The following CSMD1 variants were observed in gnomAD, a reference collection of about 807,000 sequenced individuals.
CSMD1 encodes CUB and sushi domain-containing protein 1.
CSMD1 carries 213 observed loss-of-function variants against 417.5 expected under a neutral mutation model. The observed-to-expected ratio is 0.51, with a 90% confidence interval of 0.46 to 0.57. The LOEUF (loss-of-function observed/expected upper bound fraction) is 0.57. Ranked by LOEUF, CSMD1 falls within the 20% of genes least tolerant of loss-of-function variation. The pLI is 0.00. For missense variants in CSMD1, 6,923 were observed against 4,529.7 expected (o/e 1.53, Z -15.17); for synonymous variants, 2,862 against 1,736.8 (o/e 1.65, Z -16.11).
intron 26 of CSMD1, among the ~76,000 whole-genome samples, chr8:3,276,498 G>A (rs994218377): frequency 1.3e-5 from 2 of 152,120 alleles, no homozygotes; most frequent in Non-Finnish European, 2.9e-5. Context: ...AAAACCATGA[G>A]ATCTCATGAG....
At chr8:4,193,462 T>C (rs1304219503) in intron 3 of CSMD1, among the ~76,000 whole-genome samples, 3 of 151,792 alleles carry the variant, frequency 2.0e-5, no homozygotes, top group Non-Finnish European at 4.4e-5. Flanking sequence ...ATGTTTTCCC[T>C]GGATGGAATG....
intron 3 of CSMD1, among the ~76,000 whole-genome samples, chr8:4,353,627 G>A (rs1250725162): frequency 1.3e-5 from 2 of 151,692 alleles, no homozygotes; most frequent in Non-Finnish European, 1.5e-5. Context: ...GCAGAGTCAC[G>A]CCCAACGGGA....
chr8:3,525,050 G>A (rs62475769), intron 10 of CSMD1, among the ~76,000 whole-genome samples: 1,527 of 152,188 alleles, frequency 0.01, 16 homozygotes, highest in Non-Finnish European at 0.015. Flanking sequence ...GTCCAACGCC[G>A]AATAAACTCT....
At chr8:4,353,113 G>T (rs559000018) in intron 3 of CSMD1, among the ~76,000 whole-genome samples, 1 of 151,966 alleles carries the variant, frequency 6.6e-6, no homozygotes, top group African/African-American at 2.4e-5. Context: ...TATAACATTC[G>T]GTTTATGTTC....
intron 8 of CSMD1, among the ~76,000 whole-genome samples, chr8:3,599,727 C>A (rs142330265): frequency 6.6e-6 from 1 of 152,194 alleles, no homozygotes; most frequent in South Asian, 2.1e-4. Flanking sequence ...TTGGCGCCAA[C>A]CTATACCTTG....
intron 24 of CSMD1, 142 bp from the exon 25 acceptor site, chr8:3,307,963 T>C (rs2117389906): frequency 2.2e-6 from 2 of 927,778 alleles, no homozygotes. Flanking sequence ...CTCCTGACCG[T>C]TTCAATATTT....
At chr8:4,529,893 T>C (rs1056092490) in intron 2 of CSMD1, among the ~76,000 whole-genome samples, 9 of 146,390 alleles carry the variant, frequency 6.1e-5, no homozygotes, top group Admixed American at 4.8e-4. Context: ...TTTAAATTTA[T>C]TTAATTTTTT....
intron 41 of CSMD1, among the ~76,000 whole-genome samples, chr8:3,124,243 T>C (rs1376868280): frequency 6.6e-6 from 1 of 152,216 alleles, no homozygotes; most frequent in African/African-American, 2.4e-5. Flanking sequence ...TACTCTGTTA[T>C]AAATGCTAGT....
intron 26 of CSMD1, among the ~76,000 whole-genome samples, chr8:3,239,473 G>C (rs147352278): frequency 5.3e-4 from 81 of 152,320 alleles, no homozygotes; most frequent in Non-Finnish European, 9.3e-4. Context: ...CCTAGACCAA[G>C]AGGTATTTTA....
intron 2 of CSMD1, among the ~76,000 whole-genome samples, chr8:4,598,647 G>A (rs981732491): frequency 6.6e-6 from 1 of 152,138 alleles, no homozygotes; most frequent in African/African-American, 2.4e-5. Flanking sequence ...ACTATGCTAG[G>A]AATCTAGACA....
Position 3,954,031 on chromosome 8 carries a change from G to C in CSMD1, c.818+43872C>G, listed in dbSNP as rs1467224919. Among the ~76,000 whole-genome samples, 4 of 152,126 alleles carry C rather than the reference G, an allele frequency of 2.6e-5. No individual in the cohort carries two copies. In the East Asian group the frequency reaches 7.7e-4, roughly 29 times the overall value. ...TCTCAGCGCCACCTGCTCATGGTGAGCGGGGCACATGCTTGGGAGCTCCTG... is the reference window on the plus strand; with the variant it reads ...TCTCAGCGCCACCTGCTCATGGTGACCGGGGCACATGCTTGGGAGCTCCTG... On this transcript the variant is annotated intron_variant, in intron 5 of 69. Transcript: ENST00000635120.
chr8:3,461,385 G>C (rs933958241), intron 12 of CSMD1, among the ~76,000 whole-genome samples: 2 of 152,206 alleles, frequency 1.3e-5, no homozygotes, highest in Admixed American at 6.5e-5. Flanking sequence ...TCTGGATGTG[G>C]TCTTCACCCT....
chr8:4,127,075 T>A (rs1802808080), intron 3 of CSMD1, among the ~76,000 whole-genome samples: 1 of 124,002 alleles, frequency 8.1e-6, no homozygotes, highest in Non-Finnish European at 1.8e-5. Flanking sequence ...TCAGTCAATC[T>A]CCTGTGATTT....
intron 12 of CSMD1, among the ~76,000 whole-genome samples, chr8:3,418,911 C>A (rs911519320): frequency 1.3e-5 from 2 of 152,146 alleles, no homozygotes; most frequent in African/African-American, 4.8e-5. Context: ...TAATGAGAAG[C>A]ACCTCAGAAT....
intron 52 of CSMD1, among the ~76,000 whole-genome samples, chr8:3,004,141 C>A (rs1807669014): frequency 6.6e-6 from 1 of 152,100 alleles, no homozygotes; most frequent in African/African-American, 2.4e-5. Context: ...ACTTCAAAAC[C>A]AAATATCATC....
intron 1 of CSMD1, among the ~76,000 whole-genome samples, chr8:4,716,906 C>A (rs13282018): frequency 2.0e-5 from 3 of 151,764 alleles, no homozygotes; most frequent in African/African-American, 7.3e-5. Flanking sequence ...GCAAAAAAAT[C>A]ATATCTAGAC....
At chr8:3,821,882 A>C (rs1321218750) in intron 5 of CSMD1, among the ~76,000 whole-genome samples, 1 of 152,188 alleles carries the variant, frequency 6.6e-6, no homozygotes, top group Non-Finnish European at 1.5e-5. Flanking sequence ...GGAGAAGGTA[A>C]AAACCATGAA....
In CSMD1 at chr8:4,534,514, G is replaced by A. The variant is rs180828752; in HGVS notation, c.302+102828C>T. On this transcript the variant is annotated intron_variant, in intron 2 of 69. Coordinates refer to ENST00000635120, the MANE Select transcript of CSMD1 (RefSeq NM_033225.6). ...TACAGCGGGGTACAGGTGTAGGATT[G>A]TTACATGGGTATATTGGATCCAGGT... Among the ~76,000 whole-genome samples the A allele has an allele frequency of 3.3e-5, 5 of 152,228 alleles. No homozygotes were observed. In the East Asian group the frequency reaches 7.7e-4, roughly 23 times the overall value.
At chr8:4,342,521 G>A (rs907143645) in intron 3 of CSMD1, among the ~76,000 whole-genome samples, 2 of 151,978 alleles carry the variant, frequency 1.3e-5, no homozygotes, top group African/African-American at 4.8e-5. Context: ...TCCGAACTCT[G>A]ACATTTTCCT....
Sources: allele counts gnomAD v4.1 joint callset (sites outside exome capture counted in the v4.1 genomes callset), GRCh38; gene constraint gnomAD v4.1.1; transcripts MANE v1.5; gene names NCBI Gene and HGNC (gene_info 2026-07-23, HGNC 2026-07-21).